Variants in FOXN2 observed in about 807,000 individuals in gnomAD.
FOXN2 encodes the protein forkhead box protein N2.
FOXN2 carries 19 observed loss-of-function variants against 41.2 expected under a neutral mutation model. The observed-to-expected ratio is 0.46, with a 90% CI of 0.32 to 0.68. The LOEUF (loss-of-function observed/expected upper bound fraction) is 0.68. FOXN2 is among the 30% of genes least tolerant of loss of function. The pLI is 0.03. For missense variants in FOXN2, 587 were observed against 509.4 expected, an observed-to-expected ratio of 1.15 and a Z score of -1.47; for synonymous variants, 195 against 176.8, an observed-to-expected ratio of 1.10 and a Z score of -0.82.
chr2:48,338,679 A>G (rs1009808513), intron 2 of FOXN2, among the ~76,000 whole-genome samples: 1 of 152,238 alleles, frequency 6.6e-6, no homozygotes, highest in South Asian at 2.1e-4. Context: ...GATTACAGGC[A>G]TGAGCCACCG....
chr2:48,340,335 A>G (rs1032605600), intron 2 of FOXN2, among the ~76,000 whole-genome samples: 5 of 152,176 alleles, frequency 3.3e-5, no homozygotes, highest in South Asian at 2.1e-4. Context: ...TCTCTTACCA[A>G]TGTTAATACC....
rs771680660 is a variant in FOXN2 at position 48,377,608 on chromosome 2, T to C, written c.*2165T>C. 1 of 152,050 alleles carries C rather than the reference T, an allele frequency of 6.6e-6. No individual in the cohort carries two copies. Among genetic ancestry groups the C allele is most frequent in the Non-Finnish European group, 1.5e-5 (1 of 67,894 alleles). The allele number at this position is 152,050 out of a possible 1,614,324, so 9.4% of individuals were successfully genotyped here. On this transcript the variant is annotated 3_prime_UTR_variant, in exon 7 of 7. Transcript: ENST00000340553. ...AGTAATTCTTTACATCTTTTGATTT[T>C]TCTCTTCCTTTTTATTCACTCTTCC... is the stretch of plus-strand genomic sequence containing the variant.
chr2:48,363,508 G>C (rs539153429), intron 5 of FOXN2, among the ~76,000 whole-genome samples: 18 of 152,286 alleles, frequency 1.2e-4, no homozygotes, highest in African/African-American at 3.4e-4. Context: ...GTAGTGTACA[G>C]TAATATCCTA....
At chr2:48,329,989 T>C (rs138301676) in intron 2 of FOXN2, among the ~76,000 whole-genome samples, 65 of 152,180 alleles carry the variant, frequency 4.3e-4, no homozygotes, top group African/African-American at 1.5e-3. Context: ...TGCTACTGAC[T>C]AGACAAATTA....
At chr2:48,368,796 G>GTACCTTGGACAAATCATTGATA (rs1286638563) in intron 5 of FOXN2, among the ~76,000 whole-genome samples, 3 of 152,184 alleles carry the variant, frequency 2.0e-5, no homozygotes, top group Non-Finnish European at 4.4e-5. Context: ...GTTCAAGACT[G>GTACCTTGGACAAATCATTGATA]TACCTTGGAC....
rs1021976926 is a variant in FOXN2 at position 48,348,144 on chromosome 2, T to C, written c.537+1393T>C. 5.9e-5 allele frequency among the ~76,000 whole-genome samples: 9 copies of C among 152,290 alleles called. No homozygotes were observed. The South Asian group carries it at 1.9e-3, about 32-fold the overall frequency. ...TTTTTGCTCATTATCTCTTCAAATA[T>C]TTCTTCTGCCTCACTCCTACTTTTA... On this transcript the variant is annotated intron_variant, in intron 3 of 6. Coordinates refer to ENST00000340553, the MANE Select transcript of FOXN2 (RefSeq NM_002158.4).
In FOXN2 at chr2:48,346,439, A is replaced by T. The variant is rs1671105492; in HGVS notation, c.225A>T (p.Gly75=). 2 of 1,614,198 alleles carry T rather than the reference A, an allele frequency of 1.2e-6. No individual in the cohort carries two copies. The highest frequency in any genetic ancestry group is 4.5e-5 in the East Asian group (2 of 44,892). The change falls in exon 3 of 7, where the codon GGA becomes GGT. Residue 75 remains glycine, a synonymous_variant. Transcript: ENST00000340553. The stretch of plus-strand genomic sequence containing the variant: ...ATCTTCTAACAAACTTCAGCCTCGG[A>T]AGTGAGGGTCTTCCAATTGTTAGTC... The part of the protein sequence containing the change: ...STNLLTNFSL[G]SEGLPIVSPL...
chr2:48,314,572 G>C (rs1668752202), upstream of FOXN2: 1 of 152,322 alleles, frequency 6.6e-6, no homozygotes, highest in Non-Finnish European at 1.5e-5. Context: ...GGCGGGACTG[G>C]AGGGAGGGGT....
At chr2:48,354,297 A>G (rs958779689) in intron 3 of FOXN2, among the ~76,000 whole-genome samples, 7 of 152,182 alleles carry the variant, frequency 4.6e-5, no homozygotes, top group Non-Finnish European at 7.4e-5. Context: ...TTAGGATTCA[A>G]AATATATAAT....
intron 3 of FOXN2, among the ~76,000 whole-genome samples, chr2:48,354,367 T>C (rs7574125): frequency 0.66 from 100,561 of 152,086 alleles, 33,466 homozygotes; most frequent in African/African-American, 0.72. Context: ...TTTTGGAGGC[T>C]GAGGTGGGCG....
chr2:48,322,009 C>T (rs1669358078), intron 1 of FOXN2, among the ~76,000 whole-genome samples: 1 of 152,158 alleles, frequency 6.6e-6, no homozygotes, highest in South Asian at 2.1e-4. Context: ...AGCACAGTGG[C>T]GTGATCTCGG....
chr2:48,340,024 T>A (rs1160860326), intron 2 of FOXN2, among the ~76,000 whole-genome samples: 1 of 152,228 alleles, frequency 6.6e-6, no homozygotes, highest in Non-Finnish European at 1.5e-5. Flanking sequence ...TTTAATTTTA[T>A]GTGATGTTTA....
upstream of FOXN2, chr2:48,314,644 A>G (rs973568886): frequency 1.1e-4 from 17 of 152,012 alleles, no homozygotes; most frequent in African/African-American, 4.1e-4. Flanking sequence ...AGGGGGAGGA[A>G]GCGAGCGGGA....
chr2:48,324,394 A>G (rs1027736648), intron 1 of FOXN2, among the ~76,000 whole-genome samples: 4 of 152,080 alleles, frequency 2.6e-5, no homozygotes, highest in Admixed American at 1.3e-4. Context: ...GGGTTTTGCC[A>G]TTTTGGCCAG....
intron 2 of FOXN2, among the ~76,000 whole-genome samples, chr2:48,345,422 C>G (rs1418078236): frequency 1.3e-5 from 2 of 151,930 alleles, no homozygotes; most frequent in Non-Finnish European, 2.9e-5. Flanking sequence ...GTTCTAGTGA[C>G]CTATTGCATA....
rs576150714 is a variant in FOXN2 at position 48,348,428 on chromosome 2, T to G, written c.537+1677T>G. Among the ~76,000 whole-genome samples, 3 of 152,346 alleles carry G rather than the reference T, an allele frequency of 2.0e-5. No individual in the cohort carries two copies. The East Asian group carries it at 5.8e-4, about 29-fold the overall frequency. Reference sequence around the variant, plus strand: ...AAATTCCCCACTAGATCCATAAACATATTAATTATAGTTATTATATAATGT... The same window carrying G: ...AAATTCCCCACTAGATCCATAAACAGATTAATTATAGTTATTATATAATGT... On this transcript the variant is annotated intron_variant, in intron 3 of 6. Transcript: ENST00000340553.
chr2:48,373,498 T>G, intron 6 of FOXN2, 138 bp downstream of exon 6: 1 of 534,176 alleles, frequency 1.9e-6, no homozygotes, highest in Non-Finnish European at 3.3e-6. Flanking sequence ...CAGTTTCTGT[T>G]TTATTATACT....
At chr2:48,315,062 G>C (rs553902837) in intron 1 of FOXN2, among the ~76,000 whole-genome samples, 157 of 152,218 alleles carry the variant, frequency 1.0e-3, no homozygotes, top group Middle Eastern at 6.8e-3. Context: ...AGTGTGGCTT[G>C]TGAGGAGTTA....
intron 3 of FOXN2, among the ~76,000 whole-genome samples, chr2:48,348,505 T>A (rs1308328386): frequency 6.6e-6 from 1 of 152,234 alleles, no homozygotes; most frequent in Non-Finnish European, 1.5e-5. Flanking sequence ...GCTGACTGTT[T>A]TAATCTCTTG....
Sources: gnomAD v4.1 joint callset for allele counts (sites outside exome capture counted in the v4.1 genomes callset) on GRCh38, gnomAD v4.1.1 for gene constraint, MANE v1.5 for transcripts, NCBI Gene and HGNC (gene_info 2026-07-23, HGNC 2026-07-21) for gene names.